Variants in B3GAT2 observed in about 807,000 individuals in gnomAD.
The protein encoded by B3GAT2 is galactosylgalactosylxylosylprotein 3-beta-glucuronosyltransferase 2.
A neutral mutation model predicts 27.8 loss-of-function variants in B3GAT2; 26 were observed. The ratio of observed to expected loss-of-function variants is 0.93; its 90% CI spans 0.68 to 1.30. B3GAT2 has a LOEUF of 1.30. B3GAT2 is among the 50% of genes most tolerant of loss of function. B3GAT2 has a pLI of 0.00. For missense variants in B3GAT2, 458 were observed against 459.0 expected (o/e 1.00, Z 0.02); for synonymous variants, 218 against 195.1 (o/e 1.12, Z -0.98).
At chr6:70,886,076 C>T (rs148270350) in intron 2 of B3GAT2, among the ~76,000 whole-genome samples, 40 of 152,332 alleles carry the variant, frequency 2.6e-4, no homozygotes, top group Admixed American at 1.6e-3. Flanking sequence ...CTGCTTTGCA[C>T]GTGATGTCTG....
chr6:70,858,125 C>T lies in B3GAT2; in HGVS notation c.*3538G>A, dbSNP rs1277946396. On this transcript the variant is annotated 3_prime_UTR_variant, in exon 4 of 4. Coordinates refer to ENST00000230053, the MANE Select transcript of B3GAT2 (RefSeq NM_080742.3). ...ACAAACTGGTGTGATGCCACTTCCT[C>T]AGAACGTTGTTGGCCCCCAAGGAGG... The T allele has an allele frequency of 6.2e-7, 1 of 1,613,990 alleles. No individual in the cohort carries two copies. Among genetic ancestry groups the T allele is most frequent in the South Asian group, 1.1e-5 (1 of 91,074 alleles).
intron 1 of B3GAT2, among the ~76,000 whole-genome samples, chr6:70,951,383 G>GAA (rs920098963): frequency 6.6e-6 from 1 of 152,020 alleles, no homozygotes; most frequent in Admixed American, 6.6e-5. Flanking sequence ...AGAGTAGACA[G>GAA]AAAAAAGGGA....
At chr6:70,939,935 T>G (rs974595371) in intron 1 of B3GAT2, among the ~76,000 whole-genome samples, 2 of 151,986 alleles carry the variant, frequency 1.3e-5, no homozygotes, top group African/African-American at 4.8e-5. Flanking sequence ...AGATGTCAAT[T>G]AAAAAATATC....
At chr6:70,951,806 C>A (rs954767163) in intron 1 of B3GAT2, among the ~76,000 whole-genome samples, 2 of 152,088 alleles carry the variant, frequency 1.3e-5, no homozygotes, top group Non-Finnish European at 1.5e-5. Flanking sequence ...TGGCATGACT[C>A]TTAATAGCTT....
At chr6:70,884,954 T>G (rs540863075) in intron 2 of B3GAT2, among the ~76,000 whole-genome samples, 1 of 152,212 alleles carries the variant, frequency 6.6e-6, no homozygotes, top group Non-Finnish European at 1.5e-5. Flanking sequence ...CAGAAAAATG[T>G]GTAGTAGTCA....
intron 1 of B3GAT2, among the ~76,000 whole-genome samples, chr6:70,900,866 G>A (rs1186326571): frequency 6.6e-6 from 1 of 152,164 alleles, no homozygotes; most frequent in African/African-American, 2.4e-5. Context: ...AATTTAAAAT[G>A]CTATAGGCAA....
In B3GAT2 at chr6:70,932,145, T is replaced by C. The variant is rs111930648; in HGVS notation, c.591+23694A>G. Among the ~76,000 whole-genome samples the C allele has an allele frequency of 9.3e-3, 1,418 of 152,236 alleles. 11 individuals are homozygous for C. The highest frequency in any genetic ancestry group is 0.048 in the Middle Eastern group (14 of 294). On this transcript the variant is annotated intron_variant, in intron 1 of 3. Coordinates refer to ENST00000230053, the MANE Select transcript of B3GAT2 (RefSeq NM_080742.3). The stretch of plus-strand genomic sequence containing the variant: ...TGGCTATTACCCAAAAAACAAAAAA[T>C]AACAAGTGGTGGCTAAGGTGTGGAG...
At chr6:70,919,442 T>C (rs1331034095) in intron 1 of B3GAT2, among the ~76,000 whole-genome samples, 1 of 152,232 alleles carries the variant, frequency 6.6e-6, no homozygotes, top group Admixed American at 6.5e-5. Context: ...TTTTGTTCCC[T>C]TGCTGGCGAG....
intron 3 of B3GAT2, 24 bp downstream of exon 3, chr6:70,861,806 G>C: frequency 1.2e-6 from 2 of 1,613,920 alleles, no homozygotes; most frequent in Non-Finnish European, 1.7e-6. Context: ...ACTCGAGGTC[G>C]GGCAGCACAA....
At chr6:70,867,920 A>G (rs1011129914) in intron 2 of B3GAT2, among the ~76,000 whole-genome samples, 1 of 152,166 alleles carries the variant, frequency 6.6e-6, no homozygotes, top group Non-Finnish European at 1.5e-5. Context: ...ATTTTAGCAA[A>G]TCAAATTCAA....
intron 1 of B3GAT2, among the ~76,000 whole-genome samples, chr6:70,933,120 C>G (rs1773086816): frequency 6.6e-6 from 1 of 152,114 alleles, no homozygotes; most frequent in Admixed American, 6.6e-5. Flanking sequence ...TTAAATGTCA[C>G]TAGATTTACA....
At chr6:70,954,281 G>T (rs1429871209) in intron 1 of B3GAT2, among the ~76,000 whole-genome samples, 1 of 152,136 alleles carries the variant, frequency 6.6e-6, no homozygotes, top group Non-Finnish European at 1.5e-5. Context: ...ACGTCAGATG[G>T]TATCTCTAAT....
chr6:70,950,692 C>T (rs1410169533), intron 1 of B3GAT2, among the ~76,000 whole-genome samples: 1 of 152,112 alleles, frequency 6.6e-6, no homozygotes, highest in East Asian at 1.9e-4. Context: ...TTGTTTAAGT[C>T]CTCTGTACTC....
In B3GAT2 at chr6:70,894,148, G is replaced by A; in HGVS notation, c.716C>T (p.Pro239Leu). Reference sequence around the variant, plus strand: ...CTCACCTGCCATGTCGATGGCAAAAGGCCTGTCTGCTCTCCAGCCGGTGTA... The same window carrying A: ...CTCACCTGCCATGTCGATGGCAAAAAGCCTGTCTGCTCTCCAGCCGGTGTA... The part of the protein sequence containing the change: ...GWYTGWRADR[P>L]FAIDMAGFAV... Residue 239 changes from proline (P) to leucine (L), a missense_variant, in exon 2 of 4, where the codon CCT becomes CTT. Physicochemically the swap from Pro to Leu is moderately conservative, Grantham distance 98 (BLOSUM62 -3). Transcript: ENST00000230053. The A allele has an allele frequency of 6.2e-7, 1 of 1,612,876 alleles. No homozygotes were observed.
intron 2 of B3GAT2, among the ~76,000 whole-genome samples, chr6:70,870,751 G>C (rs911776408): frequency 2.0e-5 from 3 of 152,060 alleles, no homozygotes; most frequent in Admixed American, 2.0e-4. Flanking sequence ...TTACAATCTG[G>C]ATGCCTTTTA....
At chr6:70,927,465 T>C (rs1445426952) in intron 1 of B3GAT2, among the ~76,000 whole-genome samples, 3 of 151,902 alleles carry the variant, frequency 2.0e-5, no homozygotes, top group Non-Finnish European at 2.9e-5. Flanking sequence ...AGGCTCAAAA[T>C]AAAGGGATGG....
In B3GAT2 at chr6:70,945,465, G is replaced by A. The variant is rs917452035; in HGVS notation, c.591+10374C>T. 6.6e-4 allele frequency among the ~76,000 whole-genome samples: 100 copies of A among 152,114 alleles called. 1 individual carries two copies. Among genetic ancestry groups the A allele is most frequent in the Non-Finnish European group, 1.5e-5 (1 of 68,012 alleles). ...AGCTGATGCGATCAACTGGAAGAAA[G>A]GGTATCAGTGATGGAAGATGAAATG... On this transcript the variant is annotated intron_variant, in intron 1 of 3. Coordinates refer to ENST00000230053, the MANE Select transcript of B3GAT2 (RefSeq NM_080742.3).
chr6:70,913,138 T>C (rs1772714638), intron 1 of B3GAT2, among the ~76,000 whole-genome samples: 1 of 152,146 alleles, frequency 6.6e-6, no homozygotes, highest in African/African-American at 2.4e-5. Flanking sequence ...ACTGGTCTTT[T>C]ATATCATTTT....
At chr6:70,902,280 G>C (rs559096875) in intron 1 of B3GAT2, among the ~76,000 whole-genome samples, 39 of 152,190 alleles carry the variant, frequency 2.6e-4, no homozygotes, top group Non-Finnish European at 4.9e-4. Flanking sequence ...AGTTCAATGG[G>C]GGAAAAGGAC....
Sources: allele counts gnomAD v4.1 joint callset (sites outside exome capture counted in the v4.1 genomes callset), GRCh38; gene constraint gnomAD v4.1.1; transcripts MANE v1.5; gene names NCBI Gene and HGNC (gene_info 2026-07-23, HGNC 2026-07-21).